ITCH: variants seen among roughly 807,000 people sequenced by gnomAD.
ITCH encodes the protein E3 ubiquitin-protein ligase Itchy homolog.
Under a neutral mutation model 126.8 loss-of-function variants are expected in ITCH, and 28 were observed. The ratio of observed to expected loss-of-function variants is 0.22; its 90% CI spans 0.16 to 0.30. The LOEUF (loss-of-function observed/expected upper bound fraction) is 0.30. Ranked by LOEUF, ITCH falls within the 10% of genes least tolerant of loss-of-function variation. The pLI, the probability that ITCH is intolerant of heterozygous loss-of-function variation, is 1.00. For synonymous variants in ITCH, 342 were observed against 340.0 expected, an observed-to-expected ratio of 1.01 and a Z score of -0.06; for missense variants, 631 against 1,032.4, an observed-to-expected ratio of 0.61 and a Z score of 5.33.
At chr20:34,443,743 G>A (rs558099962) in intron 10 of ITCH, among the ~76,000 whole-genome samples, 1 of 152,028 alleles carries the variant, frequency 6.6e-6, no homozygotes, top group East Asian at 1.9e-4. Flanking sequence ...CTAGCACTTT[G>A]GGGGGACAAG....
chr20:34,418,757 C>CTTTTT (rs373974620), intron 6 of ITCH, among the ~76,000 whole-genome samples: 32 of 116,510 alleles, frequency 2.7e-4, no homozygotes, highest in Middle Eastern at 4.7e-3. Flanking sequence ...TCTTTTTTTC[C>CTTTTT]TTTTTTTTTT....
intron 3 of ITCH, among the ~76,000 whole-genome samples, chr20:34,405,893 G>T (rs1270550003): frequency 6.6e-6 from 1 of 151,936 alleles, no homozygotes; most frequent in Non-Finnish European, 1.5e-5. Context: ...CAAAGTGCTG[G>T]TATTACGTGC....
chr20:34,369,174 G>C (rs775162501), intron 1 of ITCH, among the ~76,000 whole-genome samples: 1 of 151,938 alleles, frequency 6.6e-6, no homozygotes, highest in Non-Finnish European at 1.5e-5. Flanking sequence ...CTAAAAATAC[G>C]AAAGTTAGCC....
In ITCH at chr20:34,442,247, T is replaced by C; in HGVS notation, c.909T>C (p.Tyr303=). The C allele has an allele frequency of 6.2e-7, 1 of 1,614,080 alleles. No individual in the cohort carries two copies. Among genetic ancestry groups the C allele is most frequent in the Non-Finnish European group, 8.5e-7 (1 of 1,179,952 alleles). ...TGGACCAGCACGGGCGAGTTTACTA[T>C]GTAGATCATGTTGAGAAAAGAACAA... is the stretch of plus-strand genomic sequence containing the variant. ...QRVDQHGRVY[Y]VDHVEKRTTW... Residue 303 remains tyrosine (Y), a synonymous_variant, in exon 10 of 25, where the codon TAT becomes TAC. Coordinates refer to ENST00000374864, the MANE Select transcript of ITCH (RefSeq NM_031483.7).
Position 34,489,378 on chromosome 20 carries a change from G to T in ITCH, c.2206G>T (p.Glu736Ter). The T allele has an allele frequency of 6.2e-7, 1 of 1,612,850 alleles. No individual in the cohort carries two copies. The change falls in exon 21 of 25, where the codon GAA becomes TAA. Residue 736 changes from glutamate to a stop codon, truncating the protein, a stop_gained. Coordinates refer to ENST00000374864, the MANE Select transcript of ITCH (RefSeq NM_031483.7). LOFTEE classifies it high-confidence loss of function. Reference sequence around the variant, plus strand: ...ATATTTGCAATACTTTGATGCAAAGGAATTAGAGGTAATGAATTTTCCTTC... The same window carrying T: ...ATATTTGCAATACTTTGATGCAAAGTAATTAGAGGTAATGAATTTTCCTTC... ...QQYLQYFDAK[E>*]LEVLLCGMQE... is the part of the protein sequence containing the mutation.
At chr20:34,383,164 C>G (rs1358700918) in intron 2 of ITCH, among the ~76,000 whole-genome samples, 1 of 152,084 alleles carries the variant, frequency 6.6e-6, no homozygotes, top group Non-Finnish European at 1.5e-5. Flanking sequence ...GTGTCAGTCT[C>G]CTGAGTAGCT....
chr20:34,440,748 A>G (rs989979700), intron 9 of ITCH, among the ~76,000 whole-genome samples: 1 of 152,026 alleles, frequency 6.6e-6, no homozygotes, highest in Non-Finnish European at 1.5e-5. Context: ...CACCCAGCCA[A>G]CTGTTTTTAT....
At position 34,507,816 on chromosome 20, in the gene ITCH, A is replaced by C; in HGVS notation, c.*22A>C. The C allele has an allele frequency of 6.5e-7, 1 of 1,543,966 alleles. No homozygotes were observed. Among genetic ancestry groups the C allele is most frequent in the Non-Finnish European group, 9.0e-7 (1 of 1,116,288 alleles). ...GTAACTTCTGAGAACTTGCACCATG[A>C]ATGGGCAAGAACTTATTTGCAATGT... On this transcript the variant is annotated 3_prime_UTR_variant, in exon 25 of 25. Coordinates refer to ENST00000374864, the MANE Select transcript of ITCH (RefSeq NM_031483.7).
At chr20:34,450,913 CT>C (rs1383493490) in intron 12 of ITCH, 1 of 152,108 alleles carries the variant, frequency 6.6e-6, no homozygotes, top group Non-Finnish European at 1.5e-5. Context: ...CAAAACACTT[CT>C]GTGAGTCAAA....
chr20:34,504,237 A>G, intron 23 of ITCH, 94 bp from the exon 24 acceptor site: 1 of 927,046 alleles, frequency 1.1e-6, no homozygotes, highest in Admixed American at 1.8e-5. Flanking sequence ...TGGTTCTAAC[A>G]AGTTCCCTCA....
At chr20:34,371,139 GC>G (rs1568851583) in intron 2 of ITCH, among the ~76,000 whole-genome samples, 1 of 141,336 alleles carries the variant, frequency 7.1e-6, no homozygotes, top group Non-Finnish European at 1.5e-5. Flanking sequence ...CTGCACTCCA[GC>G]CTGGGCAACA....
chr20:34,440,444 T>A (rs1361995444), intron 9 of ITCH, 100 bp downstream of exon 9: 1 of 892,708 alleles, frequency 1.1e-6, no homozygotes, highest in Non-Finnish European at 1.8e-6. Flanking sequence ...AACTCCATTG[T>A]TTTGATGACT....
intron 4 of ITCH, among the ~76,000 whole-genome samples, chr20:34,410,899 T>C (rs564721462): frequency 1.3e-5 from 2 of 152,316 alleles, no homozygotes; most frequent in African/African-American, 4.8e-5. Flanking sequence ...TTCTATGTGG[T>C]AGTGCTGTTC....
At chr20:34,467,702 T>TG (rs1987206530) in intron 14 of ITCH, among the ~76,000 whole-genome samples, 1 of 92,774 alleles carries the variant, frequency 1.1e-5, no homozygotes, top group Non-Finnish European at 2.4e-5. Context: ...TTTTTTTTTT[T>TG]GAGACGGAGT....
chr20:34,429,700 A>G (rs372570844), intron 7 of ITCH, among the ~76,000 whole-genome samples: 5 of 152,266 alleles, frequency 3.3e-5, no homozygotes, highest in African/African-American at 1.2e-4. Flanking sequence ...AGAACTGTCA[A>G]TCTGTCTTAA....
At chr20:34,503,275 G>C (rs188695065) in intron 23 of ITCH, among the ~76,000 whole-genome samples, 1 of 152,238 alleles carries the variant, frequency 6.6e-6, no homozygotes, top group Non-Finnish European at 1.5e-5. Context: ...ACACATTACA[G>C]AACAGTTAGC....
At chr20:34,482,010 AAAAC>A (rs200037345) in intron 20 of ITCH, among the ~76,000 whole-genome samples, 2,933 of 152,312 alleles carry the variant, frequency 0.019, 48 homozygotes, top group South Asian at 0.06. Flanking sequence ...ACTCTGTCTC[AAAAC>A]AAACAAACGA....
chr20:34,493,447 G>T (rs950906477), intron 23 of ITCH, among the ~76,000 whole-genome samples: 1 of 152,138 alleles, frequency 6.6e-6, no homozygotes, highest in African/African-American at 2.4e-5. Flanking sequence ...AAGATGGTGA[G>T]GACCTAGAGA....
intron 23 of ITCH, among the ~76,000 whole-genome samples, chr20:34,500,293 GTA>G (rs1378598748): frequency 1.3e-5 from 2 of 152,192 alleles, no homozygotes; most frequent in Non-Finnish European, 2.9e-5. Context: ...TCCCCAACTA[GTA>G]TTGGAGTCTG....
Sources: allele counts gnomAD v4.1 joint callset (sites outside exome capture counted in the v4.1 genomes callset), GRCh38; gene constraint gnomAD v4.1.1; transcripts MANE v1.5; gene names NCBI Gene and HGNC (gene_info 2026-07-23, HGNC 2026-07-21).